CLSPN: variants seen among roughly 807,000 people sequenced by gnomAD.
The protein encoded by CLSPN is claspin homolog.
CLSPN carries 85 observed loss-of-function variants against 156.3 expected under a neutral mutation model. The observed-to-expected ratio is 0.54, with a 90% confidence interval of 0.46 to 0.65. The LOEUF (loss-of-function observed/expected upper bound fraction) is 0.65, where lower values mean the gene tolerates loss of function less well. Ranked by LOEUF, CLSPN falls within the 30% of genes least tolerant of loss-of-function variation. The pLI is 0.00. For synonymous variants in CLSPN, 534 were observed against 542.4 expected (o/e 0.98, Z 0.22); for missense variants, 1,407 against 1,554.9 (o/e 0.90, Z 1.60).
chr1:35,760,558 C>G lies in CLSPN; in HGVS notation c.1363G>C (p.Ala455Pro), dbSNP rs781556592. 7.4e-6 allele frequency: 12 copies of G among 1,614,170 alleles called. No individual in the cohort carries two copies. The highest frequency in any genetic ancestry group is 9.3e-6 in the Non-Finnish European group (11 of 1,180,030). The change falls in exon 8 of 25, where the codon GCC (alanine) becomes CCC (proline). Residue 455 changes from alanine (A) to proline (P), a missense_variant. By Grantham distance (27) the Ala-to-Pro change is conservative (BLOSUM62 -1). Around this residue, in one of 3 missense-constraint regions of CLSPN, gnomAD observed 1,096 missense variants for 1,193.0 expected, o/e 0.92. Transcript: ENST00000318121. The part of the protein sequence containing the change: ...VGGLVAFEPH[A>P]LEGEGPQNPE... ...TTTTGGGGGCCTTCACCCTCCAGGGCATGAGGTTCAAATGCTACAAGCCCT... is the reference window on the plus strand; with the variant it reads ...TTTTGGGGGCCTTCACCCTCCAGGGGATGAGGTTCAAATGCTACAAGCCCT...
Position 35,733,320 on chromosome 1 carries a change from CTTT to C in CLSPN, c.*3173_*3175del, listed in dbSNP as rs1222789867. 8.8e-5 allele frequency: 12 copies of C among 135,998 alleles called. No individual in the cohort carries two copies. Among genetic ancestry groups the C allele is most frequent in the Non-Finnish European group, 1.1e-4 (8 of 70,026 alleles). The allele number at this position is 135,998 out of a possible 1,614,324, so 8.4% of individuals were successfully genotyped here. ...CAGGCACTAATTTTCTTTTTTTTTT[CTTT>C]TTTTTTTTTTTTTTAGAGTTGGGAT... is the stretch of plus-strand genomic sequence containing the variant. On this transcript the variant is annotated 3_prime_UTR_variant, in exon 25 of 25. Coordinates refer to ENST00000318121, the MANE Select transcript of CLSPN (RefSeq NM_022111.4).
chr1:35,761,536 G>A (rs1176072536), intron 6 of CLSPN, among the ~76,000 whole-genome samples: 2 of 152,186 alleles, frequency 1.3e-5, no homozygotes, highest in African/African-American at 4.8e-5. Context: ...GACCTGCAGT[G>A]GATGCCTGAA....
chr1:35,769,791 A>C, intron 1 of CLSPN, 56 bp downstream of exon 1: 98 of 1,542,178 alleles, frequency 6.4e-5, no homozygotes, highest in Middle Eastern at 1.7e-4. Context: ...GGCCCCACCT[A>C]ACCTCTCGGT....
chr1:35,746,969 C>T lies in CLSPN; in HGVS notation c.2651G>A (p.Arg884Lys), dbSNP rs1296972881. ...AGGCTTCAAAGCTTGGTACTGATTC[C>T]TGTGGTTTCTAACATTTAAGAACCT... The part of the protein sequence containing the change: ...ADGFLNVRNH[R>K]NQYQALKPRL... The change falls in exon 15 of 25, where the codon AGG becomes AAG. Residue 884 changes from arginine to lysine, a missense_variant. Physicochemically the swap from Arg to Lys is conservative, Grantham distance 26. Around this residue, in one of 3 missense-constraint regions of CLSPN, gnomAD observed 1,096 missense variants for 1,193.0 expected, o/e 0.92. Transcript: ENST00000318121. This position sits in a 1 kb window ranked among gnomAD's most constrained non-coding sequence, Gnocchi z 4.2. 1.2e-6 allele frequency: 2 copies of T among 1,613,924 alleles called. No homozygotes were observed. The highest frequency in any genetic ancestry group is 2.2e-5 in the East Asian group (1 of 44,886).
rs931422344 is a variant in CLSPN, at chr1:35,747,061, G to A, written c.2628-69C>T. The A allele has an allele frequency of 1.2e-5, 14 of 1,189,468 alleles. No homozygotes were observed. The South Asian group carries it at 1.3e-4, about 11-fold the overall frequency. 73.7% of individuals were successfully genotyped at this position (1,189,468 alleles called of 1,614,324 possible). Reference sequence around the variant, plus strand: ...GAGAGGGCCGGGTGCGGTAGCTCACGCCTGTAATCCCAGCACTTCGGGAGG... The same window carrying A: ...GAGAGGGCCGGGTGCGGTAGCTCACACCTGTAATCCCAGCACTTCGGGAGG... On this transcript the variant is annotated intron_variant, in intron 14 of 24. Transcript: ENST00000318121.
At position 35,746,385 on chromosome 1, in the gene CLSPN, GCTT is replaced by G. The variant is rs1422891980; in HGVS notation, c.2854+378_2854+380del. Among the ~76,000 whole-genome samples the G allele has an allele frequency of 1.3e-5, 2 of 151,782 alleles. No individual in the cohort carries two copies. The highest frequency in any genetic ancestry group is 3.9e-4 in the East Asian group (2 of 5,156). Reference sequence around the variant, plus strand: ...TGAACTTTTCACCTGAGGGTAAGGGGCTTCTTTTCTTTCTTTCTTTTTTTCTAT... The same window carrying G: ...TGAACTTTTCACCTGAGGGTAAGGGGCTTTTCTTTCTTTCTTTTTTTCTAT... On this transcript the variant is annotated intron_variant, in intron 15 of 24. Coordinates refer to ENST00000318121, the MANE Select transcript of CLSPN (RefSeq NM_022111.4). The surrounding 1 kb of genome is among the most constrained non-coding windows in gnomAD (Gnocchi z 4.2).
chr1:35,755,415 C>T (rs1363163056), intron 8 of CLSPN, among the ~76,000 whole-genome samples: 7 of 151,920 alleles, frequency 4.6e-5, no homozygotes, highest in Non-Finnish European at 1.0e-4. Flanking sequence ...TACAGGCATG[C>T]GTCACCACAC....
intron 13 of CLSPN, 95 bp downstream of exon 13, chr1:35,748,310 C>T (rs765399422): frequency 1.4e-5 from 17 of 1,203,366 alleles, no homozygotes; most frequent in Non-Finnish European, 2.1e-5. Context: ...AAGCTCAGTA[C>T]CAACGTGGTG....
chr1:35,725,155 G>A (rs1043230648), intron 24 of CLSPN, among the ~76,000 whole-genome samples: 1 of 152,092 alleles, frequency 6.6e-6, no homozygotes, highest in Non-Finnish European at 1.5e-5. Context: ...TTAAAAGTTC[G>A]GCAGGGCACA....
chr1:35,752,340 G>C (rs997783426), intron 9 of CLSPN, among the ~76,000 whole-genome samples: 1 of 152,114 alleles, frequency 6.6e-6, no homozygotes, highest in Admixed American at 6.5e-5. Flanking sequence ...AGCACTTTGC[G>C]GGGCCAAGGT....
chr1:35,721,397 GT>G (rs1053912019), intron 24 of CLSPN, among the ~76,000 whole-genome samples: 1 of 151,872 alleles, frequency 6.6e-6, no homozygotes, highest in Non-Finnish European at 1.5e-5. Flanking sequence ...GTTTTGTTTT[GT>G]TTTTTTCCCA....
intron 2 of CLSPN, 126 bp from the exon 3 acceptor site, chr1:35,764,840 G>T: frequency 1.7e-6 from 1 of 602,746 alleles, no homozygotes; most frequent in East Asian, 3.1e-5. Flanking sequence ...CTACTGTTAA[G>T]AACTGATTGT....
At chr1:35,757,531 C>T (rs569070825) in intron 8 of CLSPN, among the ~76,000 whole-genome samples, 3 of 152,302 alleles carry the variant, frequency 2.0e-5, no homozygotes, top group Middle Eastern at 6.8e-3. Flanking sequence ...AATTACCTAA[C>T]CTCTCTGAGC....
intron 13 of CLSPN, 38 bp downstream of exon 13, chr1:35,748,367 A>G: frequency 6.3e-7 from 1 of 1,576,224 alleles, no homozygotes; most frequent in Non-Finnish European, 8.7e-7. Context: ...GTGGGAAGCA[A>G]AGAGAGGAGG....
intron 18 of CLSPN, among the ~76,000 whole-genome samples, chr1:35,741,833 T>G (rs1184089071): frequency 6.6e-6 from 1 of 150,904 alleles, no homozygotes; most frequent in African/African-American, 2.4e-5. Flanking sequence ...ATTAGCTGGG[T>G]GTGGTGGCAC....
At chr1:35,739,830 G>T (rs1453593988) in intron 18 of CLSPN, among the ~76,000 whole-genome samples, 1 of 152,184 alleles carries the variant, frequency 6.6e-6, no homozygotes, top group Non-Finnish European at 1.5e-5. Context: ...TAGTCCCATT[G>T]TAAGATGTGG....
At chr1:35,747,339 A>T (rs958521651) in intron 14 of CLSPN, among the ~76,000 whole-genome samples, 4 of 152,166 alleles carry the variant, frequency 2.6e-5, no homozygotes, top group South Asian at 2.1e-4. Context: ...AAAATAAAAA[A>T]AAATTCCTCA....
rs560940890 is a variant in CLSPN, at chr1:35,760,539, G to C, written c.1382C>G (p.Pro461Arg). Reference protein sequence around the residue: ...FEPHALEGEGPQNPEETDEKV... With the variant: ...FEPHALEGEGRQNPEETDEKV... ...CTCATCTGTTTCTTCTGGATTTTGG[G>C]GGCCTTCACCCTCCAGGGCATGAGG... The change falls in exon 8 of 25, where the codon CCC (proline) becomes CGC (arginine). Residue 461 changes from proline (P) to arginine (R), a missense_variant. Physicochemically the swap from Pro to Arg is moderately radical, Grantham distance 103. Around this residue, in one of 3 missense-constraint regions of CLSPN, gnomAD observed 1,096 missense variants for 1,193.0 expected, o/e 0.92. Coordinates refer to ENST00000318121, the MANE Select transcript of CLSPN (RefSeq NM_022111.4). 5 of 1,614,088 alleles carry C rather than the reference G, an allele frequency of 3.1e-6. No homozygotes were observed. The South Asian group carries it at 4.4e-5, about 14-fold the overall frequency.
Position 35,761,226 on chromosome 1 carries a change from G to A in CLSPN, c.896-22C>T, listed in dbSNP as rs1376766396. 3.6e-6 allele frequency: 5 copies of A among 1,373,150 alleles called. No individual in the cohort carries two copies. The Admixed American group carries it at 8.5e-5, about 23-fold the overall frequency. The allele number at this position is 1,373,150 out of a possible 1,614,324, so 85.1% of individuals were successfully genotyped here. On this transcript the variant is annotated intron_variant, in intron 6 of 24. Transcript: ENST00000318121. ...GACTCTATAAAATGGAATAAAACAA[G>A]CAAATATATATACTGTATATTCTGA...
Sources: allele counts gnomAD v4.1 joint callset (sites outside exome capture counted in the v4.1 genomes callset), GRCh38; gene constraint gnomAD v4.1.1; regional missense constraint gnomAD v4.1.1; non-coding constraint Gnocchi (gnomAD v3.1); transcripts MANE v1.5; gene names NCBI Gene and HGNC (gene_info 2026-07-23, HGNC 2026-07-21).